DNAI1: variants seen among roughly 807,000 people sequenced by gnomAD.
DNAI1 encodes the protein dynein, axonemal, intermediate polypeptide 1.
In DNAI1, 67 loss-of-function variants were observed where a neutral mutation model predicts 92.0. That is an observed-to-expected ratio of 0.73 (90% confidence interval 0.60 to 0.89). DNAI1 has a LOEUF of 0.89. Among genes scored for constraint, DNAI1 ranks in the 40% least tolerant of loss-of-function variants. The probability of loss-of-function intolerance (pLI) is 0.00; values close to 1 mark genes in which losing one functional copy is unlikely to be tolerated. For missense variants in DNAI1, 839 were observed against 866.6 expected, an observed-to-expected ratio of 0.97 and a Z score of 0.40; for synonymous variants, 323 against 319.6, an observed-to-expected ratio of 1.01 and a Z score of -0.11.
chr9:34,465,785 C>T (rs1824028009), intron 1 of DNAI1, among the ~76,000 whole-genome samples: 1 of 152,232 alleles, frequency 6.6e-6, no homozygotes, highest in South Asian at 2.1e-4. Context: ...GAGCAAGCCA[C>T]ATGAAATTGT....
chr9:34,473,735 G>C (rs1007805836), intron 1 of DNAI1, among the ~76,000 whole-genome samples: 2 of 151,942 alleles, frequency 1.3e-5, no homozygotes, highest in African/African-American at 2.4e-5. Flanking sequence ...TTAGTTGGTT[G>C]GTTGGTTTGA....
At chr9:34,470,614 G>T (rs1247574920) in intron 1 of DNAI1, among the ~76,000 whole-genome samples, 2 of 152,132 alleles carry the variant, frequency 1.3e-5, no homozygotes, top group African/African-American at 4.8e-5. Context: ...CAAGATGTAA[G>T]CATCAAAAAA....
intron 9 of DNAI1, among the ~76,000 whole-genome samples, chr9:34,496,294 G>A (rs995618910): frequency 2.0e-5 from 3 of 152,174 alleles, no homozygotes; most frequent in African/African-American, 4.8e-5. Flanking sequence ...CTGAGACATC[G>A]AATCCTTGGG....
At chr9:34,487,855 T>A (rs2132059801) in intron 4 of DNAI1, 1 of 164,292 alleles carries the variant, frequency 6.1e-6, no homozygotes, top group South Asian at 1.4e-4. Flanking sequence ...CTGAAAGAGC[T>A]TTAGGTCCCC....
chr9:34,500,670 G>A, intron 10 of DNAI1, 52 bp from the exon 11 acceptor site: 1 of 1,353,860 alleles, frequency 7.4e-7, no homozygotes, highest in South Asian at 1.2e-5. Flanking sequence ...GTGGACCTGG[G>A]TTTGCCATAA....
intron 1 of DNAI1, among the ~76,000 whole-genome samples, chr9:34,465,930 T>C (rs1824031044): frequency 6.6e-6 from 1 of 152,230 alleles, no homozygotes; most frequent in African/African-American, 2.4e-5. Context: ...CTCACAACGC[T>C]TTGTCCTACT....
chr9:34,492,493 G>GAGATATATAT (rs1271867592), intron 8 of DNAI1, among the ~76,000 whole-genome samples: 950 of 68,226 alleles, frequency 0.014, 72 homozygotes, highest in Non-Finnish European at 0.021. Context: ...GGGATATGAA[G>GAGATATATAT]ATATATATAT....
Position 34,490,005 on chromosome 9 carries a change from T to C in DNAI1, c.389-7T>C, listed in dbSNP as rs1824553084. 6.2e-7 allele frequency: 1 copy of C among 1,613,824 alleles called. No homozygotes were observed. The highest frequency in any genetic ancestry group is 8.5e-7 in the Non-Finnish European group (1 of 1,179,934). On this transcript the variant is annotated splice_polypyrimidine_tract_variant and splice_region_variant and intron_variant, in intron 5 of 19. Transcript: ENST00000242317. ...GACTTTGAACTCATTGGCAGTATCC[T>C]ACCAAGGTTCTCAGGAGTCTGTCAA... is the stretch of plus-strand genomic sequence containing the variant.
At chr9:34,476,032 G>A (rs1433660950) in intron 1 of DNAI1, among the ~76,000 whole-genome samples, 2 of 152,158 alleles carry the variant, frequency 1.3e-5, no homozygotes, top group African/African-American at 2.4e-5. Flanking sequence ...TGTTTTCAAT[G>A]TATCCTTCCA....
chr9:34,510,583 C>G (rs1825044754), intron 13 of DNAI1, among the ~76,000 whole-genome samples: 1 of 152,276 alleles, frequency 6.6e-6, no homozygotes, highest in Non-Finnish European at 1.5e-5. Flanking sequence ...ACCTCCACCC[C>G]AGGAGCATGT....
In DNAI1 at chr9:34,506,321, C is replaced by T. The variant is rs73500847; in HGVS notation, c.1064-306C>T. Among the ~76,000 whole-genome samples the T allele has an allele frequency of 0.024, 3,603 of 152,316 alleles. 109 individuals carry two copies. Among genetic ancestry groups the T allele is most frequent in the East Asian group, 0.15 (756 of 5,174 alleles). On this transcript the variant is annotated intron_variant, in intron 12 of 19. Transcript: ENST00000242317. ...GGTTCTGCTCCTTCCCAAGCTCACA[C>T]ACCTTCTTCACTTAGCAGCTCTTTG...
At chr9:34,487,523 G>A (rs942315100) in intron 4 of DNAI1, among the ~76,000 whole-genome samples, 9 of 152,046 alleles carry the variant, frequency 5.9e-5, no homozygotes, top group Admixed American at 3.9e-4. Flanking sequence ...TGTGAGTTTT[G>A]CGAATGGCTT....
Position 34,520,765 on chromosome 9 carries a change from C to A in DNAI1, c.*9C>A. The A allele has an allele frequency of 6.4e-7, 1 of 1,551,566 alleles. No individual in the cohort carries two copies. Among genetic ancestry groups the A allele is most frequent in the Non-Finnish European group, 8.7e-7 (1 of 1,146,896 alleles). On this transcript the variant is annotated 3_prime_UTR_variant, in exon 20 of 20. Coordinates refer to ENST00000242317, the MANE Select transcript of DNAI1 (RefSeq NM_012144.4). ...TGAAAATCAAGACCTGAGGGGCTGG[C>A]CTCAGTCTCTGTCCCATCGCTTGAA...
chr9:34,518,212 A>G (rs533888756), intron 19 of DNAI1, among the ~76,000 whole-genome samples: 5 of 152,372 alleles, frequency 3.3e-5, no homozygotes, highest in African/African-American at 1.2e-4. Context: ...GTTCTGGGCC[A>G]GGATCAGGAC....
At chr9:34,469,279 T>C (rs1824096002) in intron 1 of DNAI1, among the ~76,000 whole-genome samples, 2 of 148,042 alleles carry the variant, frequency 1.4e-5, no homozygotes, top group African/African-American at 5.0e-5. Context: ...TTTTTTTTTT[T>C]TTTTGAGACA....
intron 1 of DNAI1, among the ~76,000 whole-genome samples, chr9:34,472,316 G>A (rs573223749): frequency 1.1e-4 from 16 of 152,284 alleles, no homozygotes; most frequent in Non-Finnish European, 2.1e-4. Flanking sequence ...CTTGCTCAAC[G>A]TCTTACATAT....
chr9:34,463,896 G>T (rs1564025550), intron 1 of DNAI1, among the ~76,000 whole-genome samples: 2 of 152,158 alleles, frequency 1.3e-5, no homozygotes, highest in East Asian at 3.8e-4. Flanking sequence ...TGAGCCTGGT[G>T]ATGGGGCCTG....
chr9:34,474,566 C>CTTT (rs1824204315), intron 1 of DNAI1, among the ~76,000 whole-genome samples: 3 of 132,394 alleles, frequency 2.3e-5, no homozygotes, highest in Non-Finnish European at 4.9e-5. Flanking sequence ...TTTTTTTTTT[C>CTTT]CTTTTTTTTT....
At chr9:34,471,462 A>AG (rs71506182) in intron 1 of DNAI1, among the ~76,000 whole-genome samples, 2 of 149,308 alleles carry the variant, frequency 1.3e-5, no homozygotes, top group African/African-American at 5.0e-5. Flanking sequence ...AAAAAAAAAA[A>AG]GAAAAGAAAA....
Sources: allele counts gnomAD v4.1 joint callset (sites outside exome capture counted in the v4.1 genomes callset), GRCh38; gene constraint gnomAD v4.1.1; transcripts MANE v1.5; gene names NCBI Gene and HGNC (gene_info 2026-07-23, HGNC 2026-07-21).